Variants in RASGEF1A observed in about 807,000 individuals in gnomAD.
RASGEF1A encodes the protein ras-GEF domain-containing family member 1A.
A neutral mutation model predicts 56.4 loss-of-function variants in RASGEF1A; 18 were observed. The ratio of observed to expected loss-of-function variants is 0.32; its 90% CI spans 0.22 to 0.47. The LOEUF (loss-of-function observed/expected upper bound fraction) is 0.47. Among genes scored for constraint, RASGEF1A ranks in the 20% least tolerant of loss-of-function variants. RASGEF1A has a pLI of 1.00. For synonymous variants in RASGEF1A, 245 were observed against 242.6 expected (o/e 1.01, Z -0.09); for missense variants, 422 against 627.1 (o/e 0.67, Z 3.49).
chr10:43,243,220 C>T (rs1175098468), intron 1 of RASGEF1A, among the ~76,000 whole-genome samples: 41 of 150,608 alleles, frequency 2.7e-4, no homozygotes, highest in African/African-American at 8.3e-4. Context: ...TCTGCCCGGC[C>T]GCCACCCTGT....
At chr10:43,225,353 CTG>C (rs1470500935) in intron 1 of RASGEF1A, among the ~76,000 whole-genome samples, 1 of 145,764 alleles carries the variant, frequency 6.9e-6, no homozygotes, top group African/African-American at 2.6e-5. Flanking sequence ...CTGCATGTGT[CTG>C]TGTGTCTCTC....
chr10:43,257,976 C>T (rs1344806053), intron 1 of RASGEF1A, among the ~76,000 whole-genome samples: 6 of 152,222 alleles, frequency 3.9e-5, no homozygotes, highest in Non-Finnish European at 5.9e-5. Context: ...TGGGCCAGGA[C>T]ATGAGGGCCT....
chr10:43,206,967 T>G, intron 1 of RASGEF1A: 1 of 985,466 alleles, frequency 1.0e-6, no homozygotes, highest in Non-Finnish European at 1.2e-6. Flanking sequence ...TGGCCCGCTG[T>G]GATGGGGCTC....
chr10:43,264,345 C>T (rs1372518385), intron 1 of RASGEF1A, among the ~76,000 whole-genome samples: 7 of 151,340 alleles, frequency 4.6e-5, no homozygotes, highest in Non-Finnish European at 7.4e-5. Flanking sequence ...CTCTGGACCC[C>T]CGCAGGTCAG....
At chr10:43,248,651 T>C (rs1417046786) in intron 1 of RASGEF1A, among the ~76,000 whole-genome samples, 1 of 151,460 alleles carries the variant, frequency 6.6e-6, no homozygotes, top group Admixed American at 6.6e-5. Context: ...TAATAAGGCA[T>C]TTTTTTTTCT....
chr10:43,228,257 C>T (rs942308531), intron 1 of RASGEF1A, among the ~76,000 whole-genome samples: 1 of 152,218 alleles, frequency 6.6e-6, no homozygotes, highest in African/African-American at 2.4e-5. Context: ...ATAGCTCCCT[C>T]CCTCCCCTCC....
At chr10:43,265,649 A>G (rs1226287617) in intron 1 of RASGEF1A, among the ~76,000 whole-genome samples, 1 of 152,254 alleles carries the variant, frequency 6.6e-6, no homozygotes. Context: ...CTCAGAGGTC[A>G]TCAAAACCGT....
chr10:43,238,484 G>T (rs1399158741), intron 1 of RASGEF1A, among the ~76,000 whole-genome samples: 1 of 152,194 alleles, frequency 6.6e-6, no homozygotes, highest in Non-Finnish European at 1.5e-5. Flanking sequence ...TAAGTTTAGT[G>T]GGGGAAAGCC....
intron 1 of RASGEF1A, among the ~76,000 whole-genome samples, chr10:43,231,338 G>A (rs1840364500): frequency 6.6e-6 from 1 of 152,216 alleles, no homozygotes; most frequent in Admixed American, 6.5e-5. Context: ...CGAGGCACCT[G>A]CCCCTGCCTT....
At chr10:43,210,487 A>T (rs1423156709) in intron 1 of RASGEF1A, among the ~76,000 whole-genome samples, 1 of 152,192 alleles carries the variant, frequency 6.6e-6, no homozygotes, top group Non-Finnish European at 1.5e-5. Flanking sequence ...CAATCAATAA[A>T]CAAACCAGGG....
intron 7 of RASGEF1A, 27 bp downstream of exon 7, chr10:43,199,649 C>A: frequency 1.3e-6 from 2 of 1,576,100 alleles, no homozygotes; most frequent in Non-Finnish European, 1.7e-6. Flanking sequence ...TGGCAGCCAC[C>A]CCACCATGTC....
chr10:43,241,919 C>T (rs556187631), intron 1 of RASGEF1A, among the ~76,000 whole-genome samples: 13 of 152,226 alleles, frequency 8.5e-5, no homozygotes, highest in South Asian at 4.1e-4. Context: ...GGGTGGATCA[C>T]GAGGTCAGGA....
intron 2 of RASGEF1A, among the ~76,000 whole-genome samples, chr10:43,204,546 G>A (rs1839965377): frequency 6.6e-6 from 1 of 152,208 alleles, no homozygotes; most frequent in Non-Finnish European, 1.5e-5. Flanking sequence ...GGAGCTCTTG[G>A]CCAAGGGCAG....
intron 1 of RASGEF1A, among the ~76,000 whole-genome samples, chr10:43,250,323 C>A (rs1379324068): frequency 6.6e-6 from 1 of 152,228 alleles, no homozygotes; most frequent in Admixed American, 6.5e-5. Flanking sequence ...ACCTGAGCAG[C>A]TATGACGGTT....
chr10:43,250,562 A>G (rs1840616731), intron 1 of RASGEF1A, among the ~76,000 whole-genome samples: 1 of 152,118 alleles, frequency 6.6e-6, no homozygotes, highest in South Asian at 2.1e-4. Context: ...CTGAGGTTGG[A>G]ATCTTCTGCC....
intron 1 of RASGEF1A, among the ~76,000 whole-genome samples, chr10:43,238,366 C>T (rs1377251773): frequency 6.6e-6 from 1 of 152,230 alleles, no homozygotes; most frequent in Non-Finnish European, 1.5e-5. Context: ...TTAGCCATCG[C>T]AGATTGTCTG....
chr10:43,201,662 G>T, intron 4 of RASGEF1A, 146 bp downstream of exon 4: 1 of 815,330 alleles, frequency 1.2e-6, no homozygotes, highest in Non-Finnish European at 1.8e-6. Context: ...GGGGAAGGGA[G>T]GTTGAATGGG....
intron 1 of RASGEF1A, among the ~76,000 whole-genome samples, chr10:43,241,601 T>TAATA (rs1245808693): frequency 2.0e-5 from 3 of 152,058 alleles, no homozygotes; most frequent in Admixed American, 6.5e-5. Context: ...GTACACTAGA[T>TAATA]AATATCTAAA....
At chr10:43,227,498 T>C (rs1840296499) in intron 1 of RASGEF1A, among the ~76,000 whole-genome samples, 1 of 152,150 alleles carries the variant, frequency 6.6e-6, no homozygotes, top group African/African-American at 2.4e-5. Flanking sequence ...CCACCTCTCC[T>C]GGGGAAGCTG....
Sources: gnomAD v4.1 joint callset for allele counts (sites outside exome capture counted in the v4.1 genomes callset) on GRCh38, gnomAD v4.1.1 for gene constraint, MANE v1.5 for transcripts, NCBI Gene and HGNC (gene_info 2026-07-23, HGNC 2026-07-21) for gene names.